ASIC2: variants seen among roughly 807,000 people sequenced by gnomAD.
ASIC2 encodes the protein acid sensing ion channel subunit 2, also known as acid-sensing ion channel 2.
In ASIC2, 25 loss-of-function variants were observed where a neutral mutation model predicts 57.3. The ratio of observed to expected loss-of-function variants is 0.44; its 90% confidence interval spans 0.32 to 0.61. The LOEUF is 0.61. ASIC2 is among the 20% of genes least tolerant of loss of function. The probability of loss-of-function intolerance (pLI) is 0.06; values close to 1 mark genes in which losing one functional copy is unlikely to be tolerated. For synonymous variants in ASIC2, 319 were observed against 307.5 expected (o/e 1.04, Z -0.39); for missense variants, 641 against 738.1 (o/e 0.87, Z 1.52).
chr17:33,577,911 G>A (rs987879879), intron 1 of ASIC2, among the ~76,000 whole-genome samples: 1 of 152,138 alleles, frequency 6.6e-6, no homozygotes, highest in Non-Finnish European at 1.5e-5. Flanking sequence ...TGCTTGAGGT[G>A]TGAGTTGAAA....
intron 1 of ASIC2, among the ~76,000 whole-genome samples, chr17:33,385,988 T>C (rs896394402): frequency 2.0e-5 from 3 of 152,212 alleles, no homozygotes; most frequent in African/African-American, 7.2e-5. Context: ...TAATGACACC[T>C]ACCTCTCTAC....
intron 1 of ASIC2, among the ~76,000 whole-genome samples, chr17:34,111,710 T>G (rs1017915490): frequency 6.6e-6 from 1 of 152,204 alleles, no homozygotes; most frequent in Admixed American, 6.5e-5. Flanking sequence ...CCAATCCCGT[T>G]TCTTCTCCTA....
intron 1 of ASIC2, among the ~76,000 whole-genome samples, chr17:33,196,563 G>A (rs766900429): frequency 4.9e-4 from 74 of 152,306 alleles, no homozygotes; most frequent in Non-Finnish European, 7.6e-4. Context: ...GCCATTGTCC[G>A]AGGCATGAAG....
rs5820015 is a variant in ASIC2, at chr17:33,087,575, G to GTTTTTTTTTTTTTTTTT, written c.987+1271_987+1287dup. Among the ~76,000 whole-genome samples the GTTTTTTTTTTTTTTTTT allele has an allele frequency of 5.4e-5, 6 of 111,042 alleles. 1 individual carries two copies. Among genetic ancestry groups the GTTTTTTTTTTTTTTTTT allele is most frequent in the African/African-American group, 2.2e-4 (6 of 27,716 alleles). 72.8% of individuals were successfully genotyped at this position (111,042 alleles called of 152,430 possible). On this transcript the variant is annotated intron_variant, in intron 3 of 9. Transcript: ENST00000225823. ...GCTCACGTATAGATTTACAACCAGT[G>GTTTTTTTTTTTTTTTTT]TTTTTTTTTTTTTTTTTTTTGAGAC... is the stretch of plus-strand genomic sequence containing the variant.
chr17:33,244,615 C>A (rs1020973644), intron 1 of ASIC2, among the ~76,000 whole-genome samples: 6 of 152,210 alleles, frequency 3.9e-5, no homozygotes, highest in Non-Finnish European at 8.8e-5. Flanking sequence ...AATCTATGCT[C>A]CCACTCAGCA....
rs115315256 is a variant in ASIC2 at position 33,586,386 on chromosome 17, C to A, written c.556-474319G>T. 1.6e-3 allele frequency among the ~76,000 whole-genome samples: 246 copies of A among 152,264 alleles called. 2 individuals carry two copies. Among genetic ancestry groups the A allele is most frequent in the Middle Eastern group, 6.8e-3 (2 of 294 alleles). On this transcript the variant is annotated intron_variant, in intron 1 of 9. Transcript: ENST00000359872. ...TTGGGTTATTGCAATAGCTTCCTAA[C>A]TAGCATCTCTGCTTCATTCTTGCCT...
chr17:34,083,424 G>T (rs994813047), intron 1 of ASIC2, among the ~76,000 whole-genome samples: 2 of 151,458 alleles, frequency 1.3e-5, no homozygotes, highest in African/African-American at 4.9e-5. Flanking sequence ...GTCTATCATT[G>T]TTGGACATTT....
intron 1 of ASIC2, among the ~76,000 whole-genome samples, chr17:34,080,239 C>T (rs147135488): frequency 1.2e-3 from 176 of 152,312 alleles, no homozygotes; most frequent in African/African-American, 3.9e-3. Context: ...CACTCAGATT[C>T]CTCATAACAC....
At chr17:33,786,366 G>A (rs992896419) in intron 1 of ASIC2, among the ~76,000 whole-genome samples, 1 of 151,958 alleles carries the variant, frequency 6.6e-6, no homozygotes, top group Non-Finnish European at 1.5e-5. Context: ...AGTACAAGTC[G>A]AGATTCCCAG....
At chr17:33,886,196 G>C (rs556843457) in intron 1 of ASIC2, among the ~76,000 whole-genome samples, 8 of 152,116 alleles carry the variant, frequency 5.3e-5, no homozygotes, top group Non-Finnish European at 1.5e-5. Context: ...TGAAGAGATG[G>C]ACAAAGGGAA....
intron 1 of ASIC2, among the ~76,000 whole-genome samples, chr17:33,669,750 G>T (rs1286538283): frequency 6.6e-6 from 1 of 152,152 alleles, no homozygotes; most frequent in Admixed American, 6.6e-5. Context: ...AAGTTGGTGA[G>T]ATTTCATGTT....
intron 1 of ASIC2, among the ~76,000 whole-genome samples, chr17:34,092,093 G>A (rs1411462839): frequency 1.3e-5 from 2 of 151,828 alleles, no homozygotes; most frequent in African/African-American, 4.9e-5. Context: ...GAAAATTCTA[G>A]GGGTGGTAGT....
chr17:33,127,529 A>G (rs111312796), intron 1 of ASIC2, among the ~76,000 whole-genome samples: 3,489 of 152,282 alleles, frequency 0.023, 72 homozygotes, highest in Admixed American at 0.052. Flanking sequence ...GGTGCTGCCA[A>G]TTAATGATAT....
At chr17:33,609,960 C>T (rs2142014770) in intron 1 of ASIC2, among the ~76,000 whole-genome samples, 1 of 152,030 alleles carries the variant, frequency 6.6e-6, no homozygotes, top group Admixed American at 6.6e-5. Context: ...TCCCGGTGAG[C>T]AGCCTGGGAG....
chr17:33,230,920 T>C (rs1908067203), intron 1 of ASIC2, among the ~76,000 whole-genome samples: 1 of 152,228 alleles, frequency 6.6e-6, no homozygotes, highest in African/African-American at 2.4e-5. Flanking sequence ...TAAAAAATTA[T>C]TGATTTAAAA....
chr17:33,062,119 G>C (rs1244467601), intron 3 of ASIC2, among the ~76,000 whole-genome samples: 2 of 152,108 alleles, frequency 1.3e-5, no homozygotes, highest in East Asian at 3.9e-4. Context: ...CCAGCTCCTG[G>C]ATTCACTGAT....
chr17:33,918,060 T>C (rs1193272720), intron 1 of ASIC2, among the ~76,000 whole-genome samples: 1 of 152,244 alleles, frequency 6.6e-6, no homozygotes, highest in Non-Finnish European at 1.5e-5. Context: ...TCCTGTGCCT[T>C]GTGCTTAAGT....
chr17:33,515,297 A>G lies in ASIC2; in HGVS notation c.556-403230T>C, dbSNP rs145988550. 2.7e-3 allele frequency among the ~76,000 whole-genome samples: 405 copies of G among 152,176 alleles called. 3 individuals are homozygous for G. The highest frequency in any genetic ancestry group is 9.1e-3 in the African/African-American group (376 of 41,516). On this transcript the variant is annotated intron_variant, in intron 1 of 9. Coordinates refer to the ASIC2 transcript ENST00000359872. ...CTCCAGCCCTGCCTAGTCTCTCCCA[A>G]CCAGCCTTGGCTGGCTCTGGATCTT...
chr17:33,690,830 A>G (rs1316778058), intron 1 of ASIC2, among the ~76,000 whole-genome samples: 1 of 144,810 alleles, frequency 6.9e-6, no homozygotes, highest in Non-Finnish European at 1.5e-5. Context: ...GCTCACTGCA[A>G]GCTCCACCTC....
Sources: gnomAD v4.1 joint callset for allele counts (sites outside exome capture counted in the v4.1 genomes callset) on GRCh38, gnomAD v4.1.1 for gene constraint, MANE v1.5 for transcripts, NCBI Gene and HGNC (gene_info 2026-07-23, HGNC 2026-07-21) for gene names.